UBE2E2: variants seen among roughly 807,000 people sequenced by gnomAD.
UBE2E2 encodes the protein ubiquitin conjugating enzyme E2 E2.
A neutral mutation model predicts 24.7 loss-of-function variants in UBE2E2; 6 were observed. That is an observed-to-expected ratio of 0.24 (90% CI 0.13 to 0.48). The LOEUF (loss-of-function observed/expected upper bound fraction) is 0.48, where lower values mean the gene tolerates loss of function less well. Ranked by LOEUF, UBE2E2 falls within the 20% of genes least tolerant of loss-of-function variation. The pLI, the probability that UBE2E2 is intolerant of heterozygous loss-of-function variation, is 0.99. For missense variants in UBE2E2, 169 were observed against 245.0 expected (o/e 0.69, Z 2.07); for synonymous variants, 104 against 83.6 (o/e 1.24, Z -1.33).
intron 3 of UBE2E2, among the ~76,000 whole-genome samples, chr3:23,339,355 A>G (rs898382950): frequency 1.3e-5 from 2 of 152,286 alleles, no homozygotes; most frequent in African/African-American, 2.4e-5. Context: ...TAGAAGGAAG[A>G]TATTAGTAGG....
chr3:23,521,393 CTAAT>C lies in UBE2E2; in HGVS notation c.361-11155_361-11152del, dbSNP rs548416327. On this transcript the variant is annotated intron_variant, in intron 4 of 5. Transcript: ENST00000396703. ...TTAACTATCTCAGCTGTTGTGCTTCCTAATTAATTGTTGTTATGTATGAGACACT... is the reference window on the plus strand; with the variant it reads ...TTAACTATCTCAGCTGTTGTGCTTCCTAATTGTTGTTATGTATGAGACACT... 5.8e-4 allele frequency among the ~76,000 whole-genome samples: 88 copies of C among 152,278 alleles called. 1 individual carries two copies. The highest frequency in any genetic ancestry group is 1.7e-3 in the African/African-American group (69 of 41,562).
intron 3 of UBE2E2, among the ~76,000 whole-genome samples, chr3:23,376,380 T>G (rs58345634): frequency 7.2e-4 from 109 of 152,366 alleles, no homozygotes; most frequent in African/African-American, 2.2e-3. Flanking sequence ...GAGAATTTTT[T>G]CCTTAGGTTC....
intron 3 of UBE2E2, among the ~76,000 whole-genome samples, chr3:23,490,229 C>T (rs1288445924): frequency 2.6e-5 from 4 of 152,106 alleles, no homozygotes. Context: ...TTTCTAACAA[C>T]CTATGTATAT....
At chr3:23,485,091 C>CTTTTTT (rs71620781) in intron 3 of UBE2E2, among the ~76,000 whole-genome samples, 1 of 107,690 alleles carries the variant, frequency 9.3e-6, no homozygotes, top group Non-Finnish European at 1.8e-5. Flanking sequence ...TTAACACTAC[C>CTTTTTT]TTTTTTTTTT....
chr3:23,307,774 A>G (rs1042652495), intron 3 of UBE2E2, among the ~76,000 whole-genome samples: 1 of 152,212 alleles, frequency 6.6e-6, no homozygotes, highest in Non-Finnish European at 1.5e-5. Flanking sequence ...TTAAAATTAA[A>G]TTATGAATTA....
At chr3:23,233,974 T>C (rs1387958907) in intron 3 of UBE2E2, among the ~76,000 whole-genome samples, 1 of 152,200 alleles carries the variant, frequency 6.6e-6, no homozygotes, top group Non-Finnish European at 1.5e-5. Flanking sequence ...TTGGTAAATA[T>C]TTATCAAAAT....
chr3:23,429,540 A>T (rs1051440020), intron 3 of UBE2E2, among the ~76,000 whole-genome samples: 2 of 152,214 alleles, frequency 1.3e-5, no homozygotes, highest in African/African-American at 4.8e-5. Flanking sequence ...TCTCAGGATC[A>T]TATCAATAAA....
At chr3:23,568,256 C>G (rs566631340) in intron 5 of UBE2E2, among the ~76,000 whole-genome samples, 1 of 152,236 alleles carries the variant, frequency 6.6e-6, no homozygotes, top group African/African-American at 2.4e-5. Flanking sequence ...ATCACAATTC[C>G]CTTGTCCTAC....
At chr3:23,224,975 A>G (rs983079200) in intron 3 of UBE2E2, among the ~76,000 whole-genome samples, 1 of 148,808 alleles carries the variant, frequency 6.7e-6, no homozygotes, top group Non-Finnish European at 1.5e-5. Context: ...TTTTTTTTTT[A>G]ATGATAGCTA....
chr3:23,408,018 A>C (rs79220330), intron 3 of UBE2E2, among the ~76,000 whole-genome samples: 15,433 of 152,038 alleles, frequency 0.1, 915 homozygotes, highest in East Asian at 0.13. Flanking sequence ...AAAAAATACA[A>C]TGTCACTGAA....
chr3:23,493,276 G>A (rs1304144336), intron 3 of UBE2E2, among the ~76,000 whole-genome samples: 4 of 152,196 alleles, frequency 2.6e-5, no homozygotes, highest in African/African-American at 7.2e-5. Flanking sequence ...TCTTTAAGAT[G>A]CTAAGTAAAG....
intron 3 of UBE2E2, chr3:23,389,728 T>A (rs770135035): frequency 5.0e-6 from 1 of 201,040 alleles, no homozygotes. Context: ...GCAAGTCAGA[T>A]CCACTAGAGG....
At chr3:23,504,713 G>A (rs537340634) in intron 4 of UBE2E2, among the ~76,000 whole-genome samples, 1 of 151,990 alleles carries the variant, frequency 6.6e-6, no homozygotes, top group South Asian at 2.1e-4. Context: ...GTATACTGTT[G>A]TCCTATCTCA....
At chr3:23,380,216 T>TA (rs201923897) in intron 3 of UBE2E2, among the ~76,000 whole-genome samples, 11 of 150,506 alleles carry the variant, frequency 7.3e-5, no homozygotes, top group Non-Finnish European at 1.2e-4. Context: ...TCTTCTTTAT[T>TA]AAAAAAAAAA....
chr3:23,477,898 A>AT (rs1214882072), intron 3 of UBE2E2, among the ~76,000 whole-genome samples: 2 of 152,174 alleles, frequency 1.3e-5, no homozygotes, highest in African/African-American at 4.8e-5. Flanking sequence ...TAATGGTTTT[A>AT]TAAGGCGCTT....
At chr3:23,324,239 T>C (rs1694826101) in intron 3 of UBE2E2, among the ~76,000 whole-genome samples, 1 of 152,188 alleles carries the variant, frequency 6.6e-6, no homozygotes, top group Non-Finnish European at 1.5e-5. Context: ...ATTGTAATGT[T>C]GTATTAGTTG....
At chr3:23,537,495 T>C (rs780791695) in intron 5 of UBE2E2, among the ~76,000 whole-genome samples, 7 of 152,198 alleles carry the variant, frequency 4.6e-5, no homozygotes, top group Non-Finnish European at 8.8e-5. Flanking sequence ...CAGCCTTGTA[T>C]AGTGATTAAG....
chr3:23,587,089 A>G (rs1406919492), intron 5 of UBE2E2, among the ~76,000 whole-genome samples: 2 of 152,234 alleles, frequency 1.3e-5, no homozygotes, highest in Non-Finnish European at 2.9e-5. Context: ...GTTAGTGTGT[A>G]TAATTTTACA....
intron 3 of UBE2E2, among the ~76,000 whole-genome samples, chr3:23,246,282 G>A (rs548649582): frequency 3.2e-4 from 46 of 145,462 alleles, no homozygotes; most frequent in African/African-American, 1.1e-3. Flanking sequence ...GTGCAGTGGC[G>A]CAATCTCGGC....
Sources: gnomAD v4.1 joint callset for allele counts (sites outside exome capture counted in the v4.1 genomes callset) on GRCh38, gnomAD v4.1.1 for gene constraint, MANE v1.5 for transcripts, NCBI Gene and HGNC (gene_info 2026-07-23, HGNC 2026-07-21) for gene names.